Variants in BNC2 observed in about 807,000 individuals in gnomAD.
The protein encoded by BNC2 is basonuclin zinc finger protein 2, also known as zinc finger protein basonuclin-2.
BNC2 carries 20 observed loss-of-function variants against 76.3 expected under a neutral mutation model. That is an observed-to-expected ratio of 0.26 (90% CI 0.18 to 0.38). BNC2 has a LOEUF of 0.38. Ranked by LOEUF, BNC2 falls within the 10% of genes least tolerant of loss-of-function variation. The pLI, the probability that BNC2 is intolerant of heterozygous loss-of-function variation, is 1.00. For synonymous variants in BNC2, 582 were observed against 514.8 expected, an observed-to-expected ratio of 1.13 and a Z score of -1.77; for missense variants, 1,382 against 1,399.8, an observed-to-expected ratio of 0.99 and a Z score of 0.20.
At chr9:16,604,559 C>G (rs1356917967) in intron 3 of BNC2, among the ~76,000 whole-genome samples, 1 of 152,086 alleles carries the variant, frequency 6.6e-6, no homozygotes, top group Non-Finnish European at 1.5e-5. Context: ...CACTTAGGGA[C>G]ACTGAGCTGG....
chr9:16,823,739 A>G (rs542200139), intron 1 of BNC2, among the ~76,000 whole-genome samples: 1 of 152,348 alleles, frequency 6.6e-6, no homozygotes, highest in South Asian at 2.1e-4. Context: ...TCTTTTTTAA[A>G]CAGGTGATCT....
chr9:16,580,113 T>C (rs1017384768), intron 4 of BNC2: 1 of 398,546 alleles, frequency 2.5e-6, no homozygotes, highest in Non-Finnish European at 4.4e-6. Flanking sequence ...GTTTCACCTC[T>C]GAGCAGAAGT....
intron 1 of BNC2, among the ~76,000 whole-genome samples, chr9:16,836,376 C>T (rs939387664): frequency 6.6e-6 from 1 of 151,918 alleles, no homozygotes; most frequent in Non-Finnish European, 1.5e-5. Context: ...ATAAAGTAGA[C>T]CATCAGAAAC....
At chr9:16,634,212 T>G (rs1433187148) in intron 3 of BNC2, among the ~76,000 whole-genome samples, 2 of 152,228 alleles carry the variant, frequency 1.3e-5, no homozygotes, top group Admixed American at 6.5e-5. Context: ...AAACAGCATC[T>G]TTCTCTTTGC....
Position 16,678,267 on chromosome 9 carries a change from C to CTTTTTTTTTTTTTTT in BNC2, c.330+49515_330+49529dup, listed in dbSNP as rs140809930. 2.2e-4 allele frequency among the ~76,000 whole-genome samples: 18 copies of CTTTTTTTTTTTTTTT among 80,736 alleles called. 4 individuals are homozygous for CTTTTTTTTTTTTTTT. Among genetic ancestry groups the CTTTTTTTTTTTTTTT allele is most frequent in the African/African-American group, 7.9e-4 (14 of 17,694 alleles). 53.0% of individuals were successfully genotyped at this position (80,736 alleles called of 152,430 possible). The stretch of plus-strand genomic sequence containing the variant: ...ACTTGTAACTGTTTTCTTTCTTTTT[C>CTTTTTTTTTTTTTTT]TTTTTTTTTTTTTTTTTTTTTTTTT... On this transcript the variant is annotated intron_variant, in intron 3 of 6. Transcript: ENST00000380672.
In BNC2 at chr9:16,815,396, T is replaced by C. The variant is rs535574289; in HGVS notation, c.3+55250A>G. ...CAGCAACAGGAAGGATGGACAGCAG[T>C]AGGAGAGATTAGATATGGAATGTTT... is the stretch of plus-strand genomic sequence containing the variant. On this transcript the variant is annotated intron_variant, in intron 1 of 6. Coordinates refer to ENST00000380672, the MANE Select transcript of BNC2 (RefSeq NM_017637.6). Among the ~76,000 whole-genome samples the C allele has an allele frequency of 9.5e-4, 145 of 152,296 alleles. 1 individual carries two copies. Among genetic ancestry groups the C allele is most frequent in the Non-Finnish European group, 1.0e-3 (71 of 68,016 alleles).
chr9:16,467,846 TAA>T (rs35957070), intron 5 of BNC2, among the ~76,000 whole-genome samples: 2,451 of 141,466 alleles, frequency 0.017, 87 homozygotes, highest in African/African-American at 0.061. Context: ...AAAAAAAAAT[TAA>T]AAAAAAAAAA....
In BNC2 at chr9:16,418,081, TA is replaced by T. The variant is rs1563773339; in HGVS notation, c.*907del. 1.3e-5 allele frequency: 2 copies of T among 152,540 alleles called. No homozygotes were observed. Among genetic ancestry groups the T allele is most frequent in the Admixed American group, 6.5e-5 (1 of 15,282 alleles). The allele number at this position is 152,540 out of a possible 1,614,324, so 9.4% of individuals were successfully genotyped here. ...CATTTTTATACAAGTGAATTTTTTT[TA>T]AAAAAGACACTTACTGAAGTATGGC... On this transcript the variant is annotated 3_prime_UTR_variant, in exon 7 of 7. Coordinates refer to ENST00000380672, the MANE Select transcript of BNC2 (RefSeq NM_017637.6).
At chr9:16,486,113 C>G (rs78874147) in intron 5 of BNC2, among the ~76,000 whole-genome samples, 3 of 152,136 alleles carry the variant, frequency 2.0e-5, no homozygotes, top group South Asian at 4.1e-4. Context: ...TTTCCACCCC[C>G]GTGCTGGGAG....
At chr9:16,703,567 T>C (rs1248997357) in intron 3 of BNC2, among the ~76,000 whole-genome samples, 2 of 152,162 alleles carry the variant, frequency 1.3e-5, no homozygotes, top group African/African-American at 2.4e-5. Flanking sequence ...GATTTTCCTA[T>C]GGAGCTGATC....
At chr9:16,514,838 T>G (rs1425843872) in intron 5 of BNC2, among the ~76,000 whole-genome samples, 1 of 152,206 alleles carries the variant, frequency 6.6e-6, no homozygotes, top group African/African-American at 2.4e-5. Context: ...AATAAGTAGT[T>G]GTCAACAAAA....
Position 16,418,327 on chromosome 9 carries a change from A to C in BNC2, c.*662T>G, listed in dbSNP as rs946655381. 1.3e-5 allele frequency: 2 copies of C among 152,746 alleles called. No individual in the cohort carries two copies. The highest frequency in any genetic ancestry group is 4.8e-5 in the African/African-American group (2 of 41,464). 9.5% of individuals were successfully genotyped at this position (152,746 alleles called of 1,614,324 possible). ...TAAAAATGTGCATTAATGCTAACATAAATGAATAGAGCTAGCCAGCAAACT... is the reference window on the plus strand; with the variant it reads ...TAAAAATGTGCATTAATGCTAACATCAATGAATAGAGCTAGCCAGCAAACT... On this transcript the variant is annotated 3_prime_UTR_variant, in exon 7 of 7. Transcript: ENST00000380672.
chr9:16,625,360 C>CATTT, intron 3 of BNC2, among the ~76,000 whole-genome samples: 1 of 152,114 alleles, frequency 6.6e-6, no homozygotes, highest in Non-Finnish European at 1.5e-5. Flanking sequence ...ACTGGCAGGG[C>CATTT]CACCTGCACT....
chr9:16,418,806 T>C lies in BNC2; in HGVS notation c.*183A>G. On this transcript the variant is annotated 3_prime_UTR_variant, in exon 7 of 7. Transcript: ENST00000380672. ...GAAGTGAAAAAAATTCAAAAGCACCTAGTGTTTATCTTGTTTATCTCAAGG... is the reference window on the plus strand; with the variant it reads ...GAAGTGAAAAAAATTCAAAAGCACCCAGTGTTTATCTTGTTTATCTCAAGG... The C allele has an allele frequency of 2.9e-6, 2 of 691,636 alleles. No homozygotes were observed. The highest frequency in any genetic ancestry group is 5.6e-5 in the Admixed American group (2 of 35,982). 42.8% of individuals were successfully genotyped at this position (691,636 alleles called of 1,614,324 possible).
chr9:16,564,224 AT>A (rs1429576828), intron 4 of BNC2, among the ~76,000 whole-genome samples: 7 of 152,226 alleles, frequency 4.6e-5, no homozygotes, highest in African/African-American at 1.7e-4. Flanking sequence ...GCTGTAAGAT[AT>A]TCGTAAGTAA....
chr9:16,433,605 C>T (rs7871743), intron 6 of BNC2, among the ~76,000 whole-genome samples: 12,941 of 152,212 alleles, frequency 0.085, 573 homozygotes, highest in Middle Eastern at 0.13. Flanking sequence ...GATAAACCAA[C>T]AAGCAGTACC....
At chr9:16,766,432 A>G (rs1825697746) in intron 1 of BNC2, among the ~76,000 whole-genome samples, 1 of 152,138 alleles carries the variant, frequency 6.6e-6, no homozygotes, top group Non-Finnish European at 1.5e-5. Flanking sequence ...AATCTGCCCC[A>G]CTGCCCTCCA....
intron 4 of BNC2, among the ~76,000 whole-genome samples, chr9:16,568,824 T>C (rs757406261): frequency 6.6e-6 from 1 of 152,146 alleles, no homozygotes; most frequent in African/African-American, 2.4e-5. Context: ...AAATTTCTTA[T>C]GACGTGAAGT....
chr9:16,488,599 C>T (rs1041752775), intron 5 of BNC2, among the ~76,000 whole-genome samples: 1 of 152,156 alleles, frequency 6.6e-6, no homozygotes, highest in Non-Finnish European at 1.5e-5. Flanking sequence ...TAATTCAGGG[C>T]TTAGCCTGCA....
Sources: gnomAD v4.1 joint callset for allele counts (sites outside exome capture counted in the v4.1 genomes callset) on GRCh38, gnomAD v4.1.1 for gene constraint, MANE v1.5 for transcripts, NCBI Gene and HGNC (gene_info 2026-07-23, HGNC 2026-07-21) for gene names.